The following FHIT variants were observed in gnomAD, a reference collection of about 807,000 sequenced individuals.
The protein encoded by FHIT is bis(5'-adenosyl)-triphosphatase.
In FHIT, 19 loss-of-function variants were observed where a neutral mutation model predicts 17.9. That is an observed-to-expected ratio of 1.06 (90% CI 0.74 to 1.56). FHIT has a LOEUF of 1.56. FHIT is among the 40% of genes most tolerant of loss of function. The pLI, the probability that FHIT is intolerant of heterozygous loss-of-function variation, is 0.00. For synonymous variants in FHIT, 81 were observed against 69.7 expected (o/e 1.16, Z -0.81); for missense variants, 248 against 189.2 (o/e 1.31, Z -1.82).
chr3:59,947,593 A>C (rs1317610228), intron 7 of FHIT, among the ~76,000 whole-genome samples: 1 of 152,098 alleles, frequency 6.6e-6, no homozygotes, highest in Non-Finnish European at 1.5e-5. Context: ...TTTCTGGAAG[A>C]TTTCAGGGGG....
intron 5 of FHIT, among the ~76,000 whole-genome samples, chr3:60,067,872 A>G (rs1279656393): frequency 6.6e-6 from 1 of 152,186 alleles, no homozygotes; most frequent in Non-Finnish European, 1.5e-5. Flanking sequence ...GGCAATAACT[A>G]AAATGGTTTG....
chr3:61,051,559 T>C (rs1361454730), intron 2 of FHIT, among the ~76,000 whole-genome samples: 1 of 152,154 alleles, frequency 6.6e-6, no homozygotes, highest in Non-Finnish European at 1.5e-5. Context: ...TCTTGGGTTA[T>C]TTTGACTGAC....
chr3:60,862,709 A>T (rs1024850730), intron 3 of FHIT, among the ~76,000 whole-genome samples: 3 of 151,954 alleles, frequency 2.0e-5, no homozygotes, highest in Admixed American at 6.6e-5. Flanking sequence ...AAACTTAGCC[A>T]GGCATGGTGG....
At chr3:61,137,287 G>A (rs1438075057) in intron 2 of FHIT, among the ~76,000 whole-genome samples, 4 of 75,032 alleles carry the variant, frequency 5.3e-5, no homozygotes, top group African/African-American at 2.4e-4. Context: ...TTTTTTTTTG[G>A]TACACACTCT....
intron 2 of FHIT, among the ~76,000 whole-genome samples, chr3:61,064,262 C>T (rs1360103481): frequency 6.6e-6 from 1 of 152,112 alleles, no homozygotes; most frequent in African/African-American, 2.4e-5. Flanking sequence ...CGAGATGGCC[C>T]TTTTTGCTCC....
At chr3:60,541,882 C>G (rs2036197859) in intron 4 of FHIT, among the ~76,000 whole-genome samples, 1 of 152,156 alleles carries the variant, frequency 6.6e-6, no homozygotes, top group Non-Finnish European at 1.5e-5. Flanking sequence ...AGCACAGGCT[C>G]TACTTGATGA....
intron 5 of FHIT, among the ~76,000 whole-genome samples, chr3:60,055,623 C>G (rs569524481): frequency 6.6e-6 from 1 of 152,112 alleles, no homozygotes; most frequent in Non-Finnish European, 1.5e-5. Flanking sequence ...GCACTGGCCA[C>G]GTGGCAACCA....
chr3:60,480,831 T>C (rs1014905796), intron 5 of FHIT, among the ~76,000 whole-genome samples: 2 of 152,130 alleles, frequency 1.3e-5, no homozygotes, highest in Non-Finnish European at 2.9e-5. Flanking sequence ...TGTCGTTGAG[T>C]GTCTTTGGCT....
At chr3:60,631,434 C>T (rs55946791) in intron 4 of FHIT, among the ~76,000 whole-genome samples, 8 of 152,264 alleles carry the variant, frequency 5.3e-5, no homozygotes, top group African/African-American at 1.9e-4. Context: ...TGATTTACAT[C>T]TAGGGGATCC....
chr3:60,441,889 C>A (rs553040148), intron 5 of FHIT, among the ~76,000 whole-genome samples: 1 of 142,524 alleles, frequency 7.0e-6, no homozygotes, highest in Admixed American at 7.2e-5. Flanking sequence ...GACAAGGACT[C>A]GCTCTGTCAC....
At chr3:60,946,101 G>A (rs1268358308) in intron 3 of FHIT, among the ~76,000 whole-genome samples, 1 of 152,168 alleles carries the variant, frequency 6.6e-6, no homozygotes, top group Non-Finnish European at 1.5e-5. Flanking sequence ...CATCTGAGCT[G>A]AGCAAGGAGG....
At chr3:60,060,014 T>C (rs1287408292) in intron 5 of FHIT, among the ~76,000 whole-genome samples, 2 of 152,196 alleles carry the variant, frequency 1.3e-5, no homozygotes, top group African/African-American at 4.8e-5. Flanking sequence ...TTCCTTTTGC[T>C]TTGATAAACA....
chr3:60,877,427 C>T (rs1553756766), intron 3 of FHIT, among the ~76,000 whole-genome samples: 1 of 152,216 alleles, frequency 6.6e-6, no homozygotes, highest in Non-Finnish European at 1.5e-5. Flanking sequence ...TGAAGCAATA[C>T]ATTCCCTCCT....
chr3:60,874,105 G>A (rs1419068368), intron 3 of FHIT, among the ~76,000 whole-genome samples: 1 of 152,088 alleles, frequency 6.6e-6, no homozygotes, highest in Non-Finnish European at 1.5e-5. Flanking sequence ...TGTAACCTGG[G>A]GCATGATATT....
chr3:60,148,229 T>C (rs1325897569), intron 5 of FHIT, among the ~76,000 whole-genome samples: 1 of 152,182 alleles, frequency 6.6e-6, no homozygotes, highest in Non-Finnish European at 1.5e-5. Context: ...ACATTACACA[T>C]ATCAATAAAC....
intron 7 of FHIT, among the ~76,000 whole-genome samples, chr3:59,987,045 A>T (rs1405899810): frequency 9.8e-6 from 1 of 102,302 alleles, no homozygotes; most frequent in African/African-American, 3.2e-5. Flanking sequence ...TATAAAATAT[A>T]TAAAAATATA....
At chr3:60,853,026 C>T (rs998654815) in intron 3 of FHIT, among the ~76,000 whole-genome samples, 6 of 152,012 alleles carry the variant, frequency 3.9e-5, no homozygotes, top group South Asian at 2.1e-4. Context: ...ATGTACTTTA[C>T]TCAAATTCTT....
intron 3 of FHIT, among the ~76,000 whole-genome samples, chr3:60,989,006 G>C (rs1381172178): frequency 7.5e-6 from 1 of 133,748 alleles, no homozygotes; most frequent in African/African-American, 2.9e-5. Flanking sequence ...GTAGAGACAG[G>C]ACAGGTTTTT....
intron 5 of FHIT, among the ~76,000 whole-genome samples, chr3:60,226,803 C>T (rs1039910386): frequency 6.6e-6 from 1 of 152,096 alleles, no homozygotes; most frequent in African/African-American, 2.4e-5. Flanking sequence ...TTTTGGAGCA[C>T]GCATCTATCT....
Sources: allele counts gnomAD v4.1 joint callset (sites outside exome capture counted in the v4.1 genomes callset), GRCh38; gene constraint gnomAD v4.1.1; transcripts MANE v1.5; gene names NCBI Gene and HGNC (gene_info 2026-07-23, HGNC 2026-07-21).